MRAP2: variants seen among roughly 807,000 people sequenced by gnomAD.
The protein encoded by MRAP2 is melanocortin-2 receptor accessory protein 2.
Under a neutral mutation model 17.4 loss-of-function variants are expected in MRAP2, and 20 were observed. That is an observed-to-expected ratio of 1.15 (90% CI 0.81 to 1.67). The LOEUF (loss-of-function observed/expected upper bound fraction) is 1.67. MRAP2 is among the 40% of genes most tolerant of loss of function. The pLI is 0.00. For missense variants in MRAP2, 238 were observed against 240.0 expected (o/e 0.99, Z 0.05); for synonymous variants, 96 against 88.4 (o/e 1.09, Z -0.48).
chr6:84,089,599 C>G lies in MRAP2; in HGVS notation c.*118C>G. The G allele has an allele frequency of 8.5e-7, 1 of 1,177,592 alleles. No homozygotes were observed. Among genetic ancestry groups the G allele is most frequent in the South Asian group, 1.5e-5 (1 of 64,926 alleles). 72.9% of individuals were successfully genotyped at this position (1,177,592 alleles called of 1,614,324 possible). ...GGAGAGAGAGACATAGAGATAGAGA[C>G]AGAGAGGCAGAGAAGAGACCCCTTT... On this transcript the variant is annotated 3_prime_UTR_variant, in exon 4 of 4. Transcript: ENST00000257776.
chr6:84,140,100 T>G, the MRAP2 span, among the ~76,000 whole-genome samples: 2 of 152,174 alleles, frequency 1.3e-5, no homozygotes, highest in East Asian at 3.9e-4. Context: ...CTCTGCCAGG[T>G]GCAGGGGCAC....
intron 1 of MRAP2, chr6:84,045,441 T>C (rs750425725): frequency 4.9e-5 from 47 of 968,402 alleles, no homozygotes; most frequent in Non-Finnish European, 5.5e-5. Flanking sequence ...TCACCCTTCA[T>C]TGAAAATGAA....
chr6:84,110,688 T>C, the MRAP2 span, among the ~76,000 whole-genome samples: 1 of 152,242 alleles, frequency 6.6e-6, no homozygotes, highest in Non-Finnish European at 1.5e-5. Context: ...GCCTATGTCC[T>C]GAATGGTATT....
At chr6:84,082,784 T>C in intron 3 of MRAP2, among the ~76,000 whole-genome samples, 1 of 152,206 alleles carries the variant, frequency 6.6e-6, no homozygotes, top group East Asian at 1.9e-4. Context: ...TCCTTTATTC[T>C]TTAATTCATA....
chr6:84,098,546 A>T, the MRAP2 span, among the ~76,000 whole-genome samples: 1 of 152,152 alleles, frequency 6.6e-6, no homozygotes, highest in African/African-American at 2.4e-5. Context: ...AAACTGCTAA[A>T]CAGTTTTCCA....
the MRAP2 span, among the ~76,000 whole-genome samples, chr6:84,110,064 A>C: frequency 6.6e-6 from 1 of 152,158 alleles, no homozygotes; most frequent in Non-Finnish European, 1.5e-5. Flanking sequence ...ATAAACATAC[A>C]TGTGCATGTG....
chr6:84,099,181 C>CT, the MRAP2 span, among the ~76,000 whole-genome samples: 22,116 of 117,256 alleles, frequency 0.19, 1,980 homozygotes, highest in East Asian at 0.51. Flanking sequence ...AGATCCTTTT[C>CT]TTTTTTTTTT....
chr6:84,096,418 G>C, the MRAP2 span, among the ~76,000 whole-genome samples: 1 of 152,110 alleles, frequency 6.6e-6, no homozygotes, highest in African/African-American at 2.4e-5. Flanking sequence ...TAGCAGAATA[G>C]TGTCAAGTGT....
the MRAP2 span, among the ~76,000 whole-genome samples, chr6:84,096,098 G>T: frequency 6.6e-6 from 1 of 152,134 alleles, no homozygotes; most frequent in Non-Finnish European, 1.5e-5. Flanking sequence ...ATGGAGTAAA[G>T]TTTTTTCTTC....
At chr6:84,126,619 C>T in the MRAP2 span, 3 of 730,228 alleles carry the variant, frequency 4.1e-6, no homozygotes, top group African/African-American at 1.8e-5. Flanking sequence ...AAGTAAGAGG[C>T]ACCTTGGATT....
chr6:84,083,488 C>T (rs890645266), intron 3 of MRAP2, among the ~76,000 whole-genome samples: 3 of 152,152 alleles, frequency 2.0e-5, no homozygotes, highest in Non-Finnish European at 4.4e-5. Flanking sequence ...TGAAATTAGT[C>T]TTACATATCA....
chr6:84,061,801 C>G, intron 2 of MRAP2: 1 of 985,414 alleles, frequency 1.0e-6, no homozygotes, highest in Non-Finnish European at 1.2e-6. Context: ...CAGTAGCCAG[C>G]ACCTGTGGTG....
intron 1 of MRAP2, among the ~76,000 whole-genome samples, chr6:84,035,645 C>T (rs1054474831): frequency 1.3e-5 from 2 of 152,218 alleles, no homozygotes; most frequent in African/African-American, 2.4e-5. Flanking sequence ...GTTGCTGATC[C>T]TGCTGCCTCT....
At chr6:84,037,156 G>A (rs2099486281) in intron 1 of MRAP2, among the ~76,000 whole-genome samples, 1 of 148,410 alleles carries the variant, frequency 6.7e-6, no homozygotes, top group Non-Finnish European at 1.5e-5. Context: ...TACAAACCTT[G>A]AGCTAGACAC....
intron 3 of MRAP2, among the ~76,000 whole-genome samples, chr6:84,085,873 A>G (rs2099500319): frequency 6.6e-6 from 1 of 152,222 alleles, no homozygotes; most frequent in South Asian, 2.1e-4. Flanking sequence ...AGGTAGGCTG[A>G]TAACCAAACC....
intron 1 of MRAP2, among the ~76,000 whole-genome samples, chr6:84,042,903 T>C (rs79568222): frequency 0.029 from 4,464 of 152,362 alleles, 120 homozygotes; most frequent in Non-Finnish European, 0.049. Context: ...TTTCCATTTC[T>C]GTGGAACAGA....
intron 3 of MRAP2, chr6:84,063,418 C>T: frequency 1.0e-6 from 1 of 984,902 alleles, no homozygotes; most frequent in Non-Finnish European, 1.2e-6. Context: ...AATAGTTGTT[C>T]CTGGATACTC....
chr6:84,066,244 A>C (rs2129168982), intron 3 of MRAP2, among the ~76,000 whole-genome samples: 1 of 152,336 alleles, frequency 6.6e-6, no homozygotes, highest in Admixed American at 6.5e-5. Context: ...TGCTTCTAAC[A>C]AGGTTAAGGA....
intron 3 of MRAP2, among the ~76,000 whole-genome samples, chr6:84,073,621 C>T (rs879490981): frequency 6.6e-6 from 1 of 152,202 alleles, no homozygotes; most frequent in Non-Finnish European, 1.5e-5. Flanking sequence ...ATGATTACTT[C>T]TGTTTATTTG....
Sources: allele counts gnomAD v4.1 joint callset (sites outside exome capture counted in the v4.1 genomes callset), GRCh38; gene constraint gnomAD v4.1.1; transcripts MANE v1.5; gene names NCBI Gene and HGNC (gene_info 2026-07-23, HGNC 2026-07-21).